The following CCDC138 variants were observed in gnomAD, a reference collection of about 807,000 sequenced individuals.
CCDC138 encodes coiled-coil domain-containing protein 138.
In CCDC138, 66 loss-of-function variants were observed where a neutral mutation model predicts 82.3. The ratio of observed to expected loss-of-function variants is 0.80; its 90% CI spans 0.66 to 0.98. The LOEUF (loss-of-function observed/expected upper bound fraction) is 0.98. CCDC138 is among the 50% of genes least tolerant of loss of function. The pLI, the probability that CCDC138 is intolerant of heterozygous loss-of-function variation, is 0.00. For synonymous variants in CCDC138, 297 were observed against 265.4 expected (o/e 1.12, Z -1.16); for missense variants, 816 against 758.9 (o/e 1.08, Z -0.88).
chr2:108,874,805 G>T (rs1207283118), intron 14 of CCDC138, among the ~76,000 whole-genome samples: 1 of 152,018 alleles, frequency 6.6e-6, no homozygotes, highest in East Asian at 1.9e-4. Context: ...AGACTATACC[G>T]TGATTCTCTT....
chr2:108,874,474 C>G (rs546299562), intron 14 of CCDC138, among the ~76,000 whole-genome samples: 11 of 152,240 alleles, frequency 7.2e-5, no homozygotes, highest in Admixed American at 6.5e-4. Context: ...CAAATCTGGA[C>G]ACCTTCTATC....
rs1456342117 is a variant in CCDC138 at position 108,791,732 on chromosome 2, G to A, written c.324G>A (p.Glu108=). 1 of 1,606,456 alleles carries A rather than the reference G, an allele frequency of 6.2e-7. No homozygotes were observed. Among genetic ancestry groups the A allele is most frequent in the Non-Finnish European group, 8.5e-7 (1 of 1,175,078 alleles). The change falls in exon 4 of 15, where the codon GAG becomes GAA. Residue 108 remains glutamate (E), a synonymous_variant. Transcript: ENST00000295124. ...TGAAGAAACAGGAAACAGAAGAAGA[G>A]TTAATTGAAAATGATTATAGAGTTA... ...HDLKKQETEE[E]LIENDYRVST...
At chr2:108,810,021 G>A (rs1401146002) in intron 7 of CCDC138, among the ~76,000 whole-genome samples, 1 of 152,176 alleles carries the variant, frequency 6.6e-6, no homozygotes, top group African/African-American at 2.4e-5. Context: ...GGCCAGGGTG[G>A]TCTTGAACTC....
At chr2:108,865,101 T>C (rs978773852) in intron 13 of CCDC138, among the ~76,000 whole-genome samples, 2 of 152,122 alleles carry the variant, frequency 1.3e-5, no homozygotes, top group Admixed American at 1.3e-4. Context: ...ATTTTTACTT[T>C]TTCCTTTTTA....
intron 12 of CCDC138, among the ~76,000 whole-genome samples, chr2:108,853,892 T>C (rs1274269244): frequency 8.2e-6 from 1 of 121,282 alleles, no homozygotes; most frequent in African/African-American, 3.3e-5. Flanking sequence ...TATTATATAG[T>C]ATATATATTA....
At chr2:108,820,699 C>CAAAAAAAAAAA (rs764017401) in intron 10 of CCDC138, among the ~76,000 whole-genome samples, 3 of 62,552 alleles carry the variant, frequency 4.8e-5, no homozygotes, top group African/African-American at 1.1e-4. Flanking sequence ...ATTCAAAGTG[C>CAAAAAAAAAAA]AAAAAAAAAA....
chr2:108,791,249 TG>T, intron 3 of CCDC138, among the ~76,000 whole-genome samples: 1 of 152,334 alleles, frequency 6.6e-6, no homozygotes, highest in South Asian at 2.1e-4. Flanking sequence ...ATTGTCTTTT[TG>T]GAGACAACAC....
intron 4 of CCDC138, among the ~76,000 whole-genome samples, chr2:108,792,822 T>G (rs1329538991): frequency 6.6e-6 from 1 of 152,124 alleles, no homozygotes; most frequent in Non-Finnish European, 1.5e-5. Context: ...CCCAGCACTT[T>G]GGGAGGCCGA....
chr2:108,810,871 G>T (rs968950872), intron 7 of CCDC138, among the ~76,000 whole-genome samples: 1 of 152,056 alleles, frequency 6.6e-6, no homozygotes, highest in African/African-American at 2.4e-5. Context: ...ACTTATGATT[G>T]GTCTGTTCTA....
At chr2:108,843,876 G>GTGTGTGTGTGTGTGTGTGTGTGTGTGTT (rs1187530203) in intron 11 of CCDC138, among the ~76,000 whole-genome samples, 2 of 13,872 alleles carry the variant, frequency 1.4e-4, no homozygotes, top group East Asian at 6.3e-3. Flanking sequence ...GTGTGTGTGT[G>GTGTGTGTGTGTGTGTGTGTGTGTGTGTT]TGTTTCTTTC....
intron 13 of CCDC138, among the ~76,000 whole-genome samples, chr2:108,869,237 G>A (rs1054572364): frequency 1.3e-5 from 2 of 152,052 alleles, no homozygotes; most frequent in Non-Finnish European, 2.9e-5. Flanking sequence ...CCCAGCAAAT[G>A]CCCAATCAAG....
At chr2:108,864,234 C>A (rs1694062796) in intron 13 of CCDC138, among the ~76,000 whole-genome samples, 1 of 151,770 alleles carries the variant, frequency 6.6e-6, no homozygotes, top group Non-Finnish European at 1.5e-5. Context: ...GTAGAAGAAG[C>A]TAAGAAAGCA....
intron 5 of CCDC138, among the ~76,000 whole-genome samples, chr2:108,796,134 C>A (rs1385512939): frequency 6.6e-6 from 1 of 152,068 alleles, no homozygotes; most frequent in Non-Finnish European, 1.5e-5. Flanking sequence ...CTGCAAGCTC[C>A]GCCTCCTGGG....
chr2:108,790,126 T>G (rs1232417250), intron 3 of CCDC138, among the ~76,000 whole-genome samples: 1 of 152,148 alleles, frequency 6.6e-6, no homozygotes, highest in Non-Finnish European at 1.5e-5. Context: ...GGGTAAATAA[T>G]AAGTACTCAA....
Position 108,786,895 on chromosome 2 carries a change from G to T in CCDC138, c.73G>T (p.Gly25Trp), listed in dbSNP as rs139856707. 6.7e-5 allele frequency: 104 copies of T among 1,554,056 alleles called. No individual in the cohort carries two copies. Among genetic ancestry groups the T allele is most frequent in the Non-Finnish European group, 8.2e-5 (95 of 1,153,108 alleles). ...GAGTCTCAAAAGCCGCTACGGACTCGGGGGCAGCTGCCCCGACGAGGTGAA... is the reference window on the plus strand; with the variant it reads ...GAGTCTCAAAAGCCGCTACGGACTCTGGGGCAGCTGCCCCGACGAGGTGAA... ...VESLKSRYGL[G>W]GSCPDEYDFS... The change falls in exon 1 of 15, where the codon GGG becomes TGG. Residue 25 changes from glycine (G) to tryptophan (W), a missense_variant. By Grantham distance (184) the Gly-to-Trp change is radical (BLOSUM62 -2). Transcript: ENST00000295124.
At chr2:108,802,797 A>G (rs1682158602) in intron 6 of CCDC138, among the ~76,000 whole-genome samples, 1 of 151,942 alleles carries the variant, frequency 6.6e-6, no homozygotes, top group Non-Finnish European at 1.5e-5. Flanking sequence ...ATTTTGAAAT[A>G]CGTCCCATCA....
chr2:108,854,184 C>A (rs898017880), intron 12 of CCDC138, among the ~76,000 whole-genome samples: 3 of 146,786 alleles, frequency 2.0e-5, no homozygotes, highest in Non-Finnish European at 4.4e-5. Context: ...TGGCACTTGG[C>A]TCTCAAAGCA....
intron 13 of CCDC138, among the ~76,000 whole-genome samples, chr2:108,870,859 CAGA>C (rs1442052290): frequency 6.6e-6 from 1 of 152,082 alleles, no homozygotes; most frequent in Non-Finnish European, 1.5e-5. Flanking sequence ...TGTGCAGTTT[CAGA>C]AGAAGATGGA....
At position 108,791,113 on chromosome 2, in the gene CCDC138, ATATAT is replaced by A. The variant is rs72016518; in HGVS notation, c.267-554_267-550del. On this transcript the variant is annotated intron_variant, in intron 3 of 14. Transcript: ENST00000295124. ...ACATGTTGAAATGATAAACTTTTAG[ATATAT>A]TATATTAACTAATATTTTTAAAATT... Among the ~76,000 whole-genome samples the A allele has an allele frequency of 2.8e-3, 430 of 152,226 alleles. 3 individuals carry two copies. The highest frequency in any genetic ancestry group is 9.3e-3 in the African/African-American group (386 of 41,556).
Sources: gnomAD v4.1 joint callset for allele counts (sites outside exome capture counted in the v4.1 genomes callset) on GRCh38, gnomAD v4.1.1 for gene constraint, MANE v1.5 for transcripts, NCBI Gene and HGNC (gene_info 2026-07-23, HGNC 2026-07-21) for gene names.